Variants in GNA14 observed in about 807,000 individuals in gnomAD.
GNA14 encodes the protein guanine nucleotide-binding protein subunit alpha-14.
GNA14 carries 50 observed loss-of-function variants against 42.0 expected under a neutral mutation model. The observed-to-expected ratio is 1.19, with a 90% CI of 0.95 to 1.51. The LOEUF is 1.51. Among genes scored for constraint, GNA14 ranks in the 40% most tolerant of loss-of-function variants. The pLI is 0.00. For synonymous variants in GNA14, 173 were observed against 163.1 expected (o/e 1.06, Z -0.46); for missense variants, 473 against 446.2 (o/e 1.06, Z -0.54).
In GNA14 at chr9:77,648,074, A is replaced by G; in HGVS notation, c.-281T>C. Reference sequence around the variant, plus strand: ...TCTCGCTCTGGGGAGGAGGAGGGCGAGTCGAGAAGTTGGGAGCGTTGCTGG... The same window carrying G: ...TCTCGCTCTGGGGAGGAGGAGGGCGGGTCGAGAAGTTGGGAGCGTTGCTGG... On this transcript the variant is annotated 5_prime_UTR_variant, in exon 1 of 7. Coordinates refer to ENST00000341700, the MANE Select transcript of GNA14 (RefSeq NM_004297.4). 1 of 473,850 alleles carries G rather than the reference A, an allele frequency of 2.1e-6. No homozygotes were observed. Among genetic ancestry groups the G allele is most frequent in the South Asian group, 2.6e-5 (1 of 37,860 alleles). 29.4% of individuals were successfully genotyped at this position (473,850 alleles called of 1,614,324 possible).
At chr9:77,611,862 C>G (rs971121552) in intron 1 of GNA14, among the ~76,000 whole-genome samples, 10 of 152,138 alleles carry the variant, frequency 6.6e-5, no homozygotes, top group Admixed American at 4.6e-4. Flanking sequence ...GGTTTCTACA[C>G]TGACTTACCA....
chr9:77,523,458 C>T (rs1381257233), intron 2 of GNA14, among the ~76,000 whole-genome samples: 4 of 152,128 alleles, frequency 2.6e-5, no homozygotes, highest in Admixed American at 6.5e-5. Flanking sequence ...CAGCACCAAC[C>T]GGATGGTGCT....
intron 1 of GNA14, among the ~76,000 whole-genome samples, chr9:77,610,042 G>A (rs1823705907): frequency 6.6e-6 from 1 of 152,082 alleles, no homozygotes; most frequent in Non-Finnish European, 1.5e-5. Flanking sequence ...TATTCTTCTG[G>A]AGGCTGCTCC....
At chr9:77,587,946 C>G (rs1009862564) in intron 1 of GNA14, among the ~76,000 whole-genome samples, 3 of 152,158 alleles carry the variant, frequency 2.0e-5, no homozygotes, top group African/African-American at 7.2e-5. Flanking sequence ...CTTTTTCTGG[C>G]TACTAAAGGC....
chr9:77,638,765 G>C (rs1824217233), intron 1 of GNA14, among the ~76,000 whole-genome samples: 1 of 152,144 alleles, frequency 6.6e-6, no homozygotes, highest in African/African-American at 2.4e-5. Context: ...GTGGGAGATG[G>C]GAAATCAAGA....
intron 2 of GNA14, among the ~76,000 whole-genome samples, chr9:77,508,848 C>CT (rs779654109): frequency 2.0e-5 from 3 of 152,074 alleles, no homozygotes; most frequent in Non-Finnish European, 4.4e-5. Context: ...GAAGGGGCTC[C>CT]TATTGGCCAA....
At position 77,464,351 on chromosome 9, in the gene GNA14, ATGTGTGTGTGTG is replaced by A. The variant is rs35743834; in HGVS notation, c.310-29841_310-29830del. Among the ~76,000 whole-genome samples, 591 of 144,808 alleles carry A rather than the reference ATGTGTGTGTGTG, an allele frequency of 4.1e-3. 2 individuals carry two copies. Among genetic ancestry groups the A allele is most frequent in the African/African-American group, 0.013 (525 of 39,224 alleles). The allele number at this position is 144,808 out of a possible 152,430, so 95.0% of individuals were successfully genotyped here. A position where few individuals can be genotyped will look rare whatever the true frequency, so the allele number is the denominator to read the frequency against. ...TATATATGTGTGTGTGTGTGTGTAT[ATGTGTGTGTGTG>A]TGTGTGTGTGTGTGTGTGTGTGTGT... On this transcript the variant is annotated intron_variant, in intron 2 of 6. Coordinates refer to ENST00000341700, the MANE Select transcript of GNA14 (RefSeq NM_004297.4).
intron 1 of GNA14, among the ~76,000 whole-genome samples, chr9:77,543,502 G>A (rs955987370): frequency 2.6e-5 from 4 of 152,222 alleles, no homozygotes; most frequent in East Asian, 1.9e-4. Context: ...TCAGGAGCCC[G>A]TGGGACTAAG....
In GNA14 at chr9:77,561,429, T is replaced by C. The variant is rs536106545; in HGVS notation, c.125-32176A>G. Among the ~76,000 whole-genome samples the C allele has an allele frequency of 4.6e-5, 7 of 152,294 alleles. No individual in the cohort carries two copies. The East Asian group carries it at 1.2e-3, about 25-fold the overall frequency. On this transcript the variant is annotated intron_variant, in intron 1 of 6. Transcript: ENST00000341700. ...CCACTATAAAATGCCATGCAAGTAA[T>C]GTCAGGGTTTCATAGTTTCATTGTT... is the stretch of plus-strand genomic sequence containing the variant.
intron 2 of GNA14, among the ~76,000 whole-genome samples, chr9:77,440,027 T>G (rs1238987745): frequency 1.3e-5 from 2 of 152,130 alleles, no homozygotes; most frequent in Non-Finnish European, 2.9e-5. Flanking sequence ...GCCTAACACA[T>G]TCATTTAATT....
chr9:77,476,540 T>C (rs1836426885), intron 2 of GNA14, among the ~76,000 whole-genome samples: 2 of 152,216 alleles, frequency 1.3e-5, no homozygotes, highest in Admixed American at 6.5e-5. Flanking sequence ...AGATTATCTG[T>C]GTCAGGGAGG....
At chr9:77,557,030 C>A (rs1439043751) in intron 1 of GNA14, among the ~76,000 whole-genome samples, 1 of 152,198 alleles carries the variant, frequency 6.6e-6, no homozygotes, top group Non-Finnish European at 1.5e-5. Flanking sequence ...AAGAAGAAAT[C>A]ATTCTCAGCC....
At chr9:77,502,750 G>A (rs1052233969) in intron 2 of GNA14, among the ~76,000 whole-genome samples, 2 of 152,184 alleles carry the variant, frequency 1.3e-5, no homozygotes, top group Non-Finnish European at 2.9e-5. Context: ...GGGGGGTTGG[G>A]TGAGAGTGGG....
At chr9:77,440,107 G>T (rs930622066) in intron 2 of GNA14, among the ~76,000 whole-genome samples, 2 of 152,210 alleles carry the variant, frequency 1.3e-5, no homozygotes, top group Admixed American at 1.3e-4. Flanking sequence ...ACATGACCAG[G>T]CTCTCAAAAG....
intron 1 of GNA14, among the ~76,000 whole-genome samples, chr9:77,545,379 A>T (rs1276271560): frequency 6.6e-6 from 1 of 152,242 alleles, no homozygotes; most frequent in Non-Finnish European, 1.5e-5. Context: ...GAAAGCTAAG[A>T]AGTCATTCTC....
chr9:77,476,196 T>C (rs1797835890), intron 2 of GNA14, among the ~76,000 whole-genome samples: 1 of 152,118 alleles, frequency 6.6e-6, no homozygotes, highest in African/African-American at 2.4e-5. Flanking sequence ...GCACCCAACT[T>C]CCTGGGGAAA....
At position 77,588,718 on chromosome 9, in the gene GNA14, T is replaced by A. The variant is rs922496301; in HGVS notation, c.124+58952A>T. Among the ~76,000 whole-genome samples, 27 of 152,158 alleles carry A rather than the reference T, an allele frequency of 1.8e-4. 1 individual carries two copies. Among genetic ancestry groups the A allele is most frequent in the African/African-American group, 6.5e-4 (27 of 41,438 alleles). ...TTGCTAATCCCCCTTCTTTGTCAGG[T>A]GACACTCTCCTACTGTCAAACCTGA... is the stretch of plus-strand genomic sequence containing the variant. On this transcript the variant is annotated intron_variant, in intron 1 of 6. Coordinates refer to ENST00000341700, the MANE Select transcript of GNA14 (RefSeq NM_004297.4).
At chr9:77,525,817 C>T (rs1004088673) in intron 2 of GNA14, among the ~76,000 whole-genome samples, 47 of 150,638 alleles carry the variant, frequency 3.1e-4, no homozygotes, top group African/African-American at 1.1e-3. Flanking sequence ...GGATTACAGG[C>T]GTGAGCCACC....
intron 1 of GNA14, among the ~76,000 whole-genome samples, chr9:77,643,680 CA>C (rs1564074227): frequency 6.6e-6 from 1 of 152,114 alleles, no homozygotes; most frequent in Non-Finnish European, 1.5e-5. Context: ...ACCAGATTTT[CA>C]ACTTTTTGGT....
Sources: allele counts gnomAD v4.1 joint callset (sites outside exome capture counted in the v4.1 genomes callset), GRCh38; gene constraint gnomAD v4.1.1; transcripts MANE v1.5; gene names NCBI Gene and HGNC (gene_info 2026-07-23, HGNC 2026-07-21).